SERAC1: variants seen among roughly 807,000 people sequenced by gnomAD.
SERAC1 encodes the protein serine active site containing 1.
In SERAC1, 36 loss-of-function variants were observed where a neutral mutation model predicts 85.7. The ratio of observed to expected loss-of-function variants is 0.42; its 90% CI spans 0.32 to 0.55. The LOEUF (loss-of-function observed/expected upper bound fraction) is 0.55. Ranked by LOEUF, SERAC1 falls within the 20% of genes least tolerant of loss-of-function variation. The pLI, the probability that SERAC1 is intolerant of heterozygous loss-of-function variation, is 0.11. For synonymous variants in SERAC1, 242 were observed against 265.3 expected (o/e 0.91, Z 0.85); for missense variants, 629 against 796.2 (o/e 0.79, Z 2.53).
chr6:158,143,004 T>A, intron 8 of SERAC1, 52 bp downstream of exon 8: 1 of 1,437,350 alleles, frequency 7.0e-7, no homozygotes, highest in East Asian at 2.3e-5. Context: ...ACACAATACA[T>A]TGGAAAGGGT....
At chr6:158,144,272 A>T in intron 7 of SERAC1, 27 bp downstream of exon 7, 1 of 1,571,062 alleles carries the variant, frequency 6.4e-7, no homozygotes, top group Non-Finnish European at 8.7e-7. Context: ...TCACTCTCTA[A>T]ATTACTATTA....
chr6:158,142,930 A>C, intron 8 of SERAC1, 126 bp downstream of exon 8: 1 of 707,566 alleles, frequency 1.4e-6, no homozygotes, highest in Non-Finnish European at 2.4e-6. Flanking sequence ...CATCCAGCCC[A>C]GGGCATGACA....
chr6:158,122,449 C>T (rs1157470068), intron 10 of SERAC1, among the ~76,000 whole-genome samples: 1 of 152,150 alleles, frequency 6.6e-6, no homozygotes, highest in Non-Finnish European at 1.5e-5. Context: ...GTTTGGTGGA[C>T]ACCCTTTTGA....
intron 1 of SERAC1, among the ~76,000 whole-genome samples, chr6:158,159,601 C>T (rs1785438340): frequency 6.6e-6 from 1 of 150,420 alleles, no homozygotes; most frequent in Non-Finnish European, 1.5e-5. Flanking sequence ...TTTTAGTTTC[C>T]AAATATATAA....
chr6:158,122,405 T>G (rs868477958), intron 10 of SERAC1, among the ~76,000 whole-genome samples: 2 of 152,204 alleles, frequency 1.3e-5, no homozygotes, highest in South Asian at 4.1e-4. Context: ...ATTTCCCAAC[T>G]CCATTTACAT....
chr6:158,151,943 G>T (rs11756587), intron 3 of SERAC1, among the ~76,000 whole-genome samples: 16,887 of 152,036 alleles, frequency 0.11, 1,235 homozygotes, highest in East Asian at 0.3. Flanking sequence ...TAGAGACAGG[G>T]TCTCAACCAC....
chr6:158,144,042 G>C (rs1332207910), intron 7 of SERAC1, among the ~76,000 whole-genome samples: 2 of 152,112 alleles, frequency 1.3e-5, no homozygotes, highest in Admixed American at 6.5e-5. Flanking sequence ...CATGGATGCT[G>C]ATATGCTATG....
At chr6:158,143,248 C>A in intron 7 of SERAC1, 64 bp from the exon 8 acceptor site, 1 of 1,562,412 alleles carries the variant, frequency 6.4e-7, no homozygotes, top group South Asian at 1.2e-5. Context: ...AAAAAATATC[C>A]AAAGACTCAA....
At chr6:158,147,181 C>G (rs979503219) in intron 5 of SERAC1, among the ~76,000 whole-genome samples, 10 of 151,984 alleles carry the variant, frequency 6.6e-5, no homozygotes, top group African/African-American at 2.4e-4. Context: ...CTCTGTTACC[C>G]AGGCTGGAGT....
rs1177754921 is a variant in SERAC1 at position 158,123,639 on chromosome 6, C to A, written c.1016-3064G>T. On this transcript the variant is annotated intron_variant, in intron 10 of 16. Transcript: ENST00000647468. ...GTGATCTCATAAGCATGCTGACAAC[C>A]AATCTGCAATGATTCCACGTTCAGC... 3.9e-5 allele frequency among the ~76,000 whole-genome samples: 6 copies of A among 152,292 alleles called. No individual in the cohort carries two copies. The South Asian group carries it at 1.2e-3, about 32-fold the overall frequency.
intron 2 of SERAC1, among the ~76,000 whole-genome samples, chr6:158,155,647 C>T (rs1430490155): frequency 6.6e-6 from 1 of 152,134 alleles, no homozygotes; most frequent in African/African-American, 2.4e-5. Flanking sequence ...ATGCTTCCAC[C>T]AAATGCAACA....
chr6:158,120,274 G>A lies in SERAC1; in HGVS notation c.1166+151C>T, dbSNP rs1212158367. The A allele has an allele frequency of 1.7e-5, 13 of 776,428 alleles. No homozygotes were observed. The highest frequency in any genetic ancestry group is 8.3e-5 in the South Asian group (3 of 36,092). 48.1% of individuals were successfully genotyped at this position (776,428 alleles called of 1,614,324 possible). A position where few individuals can be genotyped will look rare whatever the true frequency, so the allele number is the denominator to read the frequency against. Reference sequence around the variant, plus strand: ...TCATGACAACCTCCAATTCTTTTGTGGTTACTATAGACAAATTATTTTAGT... The same window carrying A: ...TCATGACAACCTCCAATTCTTTTGTAGTTACTATAGACAAATTATTTTAGT... On this transcript the variant is annotated intron_variant, in intron 11 of 16. Transcript: ENST00000647468. The surrounding 1 kb of genome is among the most constrained non-coding windows in gnomAD (Gnocchi z 4.4).
chr6:158,144,830 A>C (rs548642794), intron 6 of SERAC1, among the ~76,000 whole-genome samples: 1 of 152,342 alleles, frequency 6.6e-6, no homozygotes, highest in East Asian at 1.9e-4. Context: ...CATAGTGTCC[A>C]TGAATATTTA....
chr6:158,152,015 TAGCTGAGACTAC>T (rs1326489822), intron 3 of SERAC1, among the ~76,000 whole-genome samples: 2 of 152,260 alleles, frequency 1.3e-5, no homozygotes, highest in East Asian at 3.9e-4. Flanking sequence ...GCCTCCCGAA[TAGCTGAGACTAC>T]AGGCCCACAC....
chr6:158,149,103 CTT>C, intron 4 of SERAC1, 149 bp from the exon 5 acceptor site: 3 of 560,260 alleles, frequency 5.4e-6, no homozygotes, highest in South Asian at 2.3e-5. Flanking sequence ...CATTCTCCTG[CTT>C]CACAGCCTCC....
chr6:158,162,817 T>A (rs1484920700), intron 1 of SERAC1, among the ~76,000 whole-genome samples: 1 of 152,192 alleles, frequency 6.6e-6, no homozygotes, highest in African/African-American at 2.4e-5. Flanking sequence ...TACACATAGT[T>A]TTTGTCTTAA....
At chr6:158,134,004 T>C (rs1171866237) in intron 8 of SERAC1, among the ~76,000 whole-genome samples, 2 of 152,232 alleles carry the variant, frequency 1.3e-5, no homozygotes, top group Non-Finnish European at 2.9e-5. Flanking sequence ...TCACATCTCA[T>C]GTTGCAGCTA....
chr6:158,155,444 T>C, intron 2 of SERAC1, 93 bp from the exon 3 acceptor site: 1 of 695,922 alleles, frequency 1.4e-6, no homozygotes, highest in Non-Finnish European at 2.5e-6. Context: ...ATATCATATA[T>C]TATCAGATAA....
rs1399574077 is a variant in SERAC1, at chr6:158,120,110, C to G, written c.1166+315G>C. On this transcript the variant is annotated intron_variant, in intron 11 of 16. Coordinates refer to ENST00000647468, the MANE Select transcript of SERAC1 (RefSeq NM_032861.4). This position sits in a 1 kb window ranked among gnomAD's most constrained non-coding sequence, Gnocchi z 4.4. ...ATCCAAATCAGTTATTAACTCAGAT[C>G]TAAGTGAAAATGCCTTGAACCAAAG... is the stretch of plus-strand genomic sequence containing the variant. 6.6e-6 allele frequency among the ~76,000 whole-genome samples: 1 copy of G among 152,144 alleles called. No individual in the cohort carries two copies. Among genetic ancestry groups the G allele is most frequent in the Non-Finnish European group, 1.5e-5 (1 of 68,032 alleles).
Sources: allele counts gnomAD v4.1 joint callset (sites outside exome capture counted in the v4.1 genomes callset), GRCh38; gene constraint gnomAD v4.1.1; non-coding constraint Gnocchi (gnomAD v3.1); transcripts MANE v1.5; gene names NCBI Gene and HGNC (gene_info 2026-07-23, HGNC 2026-07-21).